The following ROBO2 variants were observed in gnomAD, a reference collection of about 807,000 sequenced individuals.
The protein encoded by ROBO2 is roundabout guidance receptor 2.
ROBO2 carries 53 observed loss-of-function variants against 160.8 expected under a neutral mutation model. The ratio of observed to expected loss-of-function variants is 0.33; its 90% CI spans 0.26 to 0.41. The LOEUF is 0.41. Among genes scored for constraint, ROBO2 ranks in the 10% least tolerant of loss-of-function variants. The pLI, the probability that ROBO2 is intolerant of heterozygous loss-of-function variation, is 1.00. For synonymous variants in ROBO2, 664 were observed against 611.7 expected (o/e 1.09, Z -1.26); for missense variants, 1,577 against 1,722.4 (o/e 0.92, Z 1.49).
intron 2 of ROBO2, among the ~76,000 whole-genome samples, chr3:76,301,223 A>G (rs1709339670): frequency 6.6e-6 from 1 of 152,128 alleles, no homozygotes; most frequent in South Asian, 2.1e-4. Flanking sequence ...CCTGAAGGTG[A>G]TTTTAGGGAT....
At chr3:77,403,575 T>C (rs2075998388) in intron 2 of ROBO2, among the ~76,000 whole-genome samples, 1 of 16,438 alleles carries the variant, frequency 6.1e-5, no homozygotes, top group African/African-American at 2.8e-4. Context: ...GTTATTTCAG[T>C]GTGTGTGTGT....
At chr3:77,184,832 G>A (rs772958526) in intron 2 of ROBO2, among the ~76,000 whole-genome samples, 1 of 151,964 alleles carries the variant, frequency 6.6e-6, no homozygotes, top group Non-Finnish European at 1.5e-5. Context: ...AATGAATTAT[G>A]AAGAAAAGCT....
intron 2 of ROBO2, among the ~76,000 whole-genome samples, chr3:77,020,205 A>T (rs1231623977): frequency 6.6e-6 from 1 of 152,238 alleles, no homozygotes; most frequent in Non-Finnish European, 1.5e-5. Context: ...ACTAAAATAG[A>T]AAATACATCT....
At chr3:76,610,465 C>T (rs139822082) in intron 2 of ROBO2, among the ~76,000 whole-genome samples, 24 of 152,280 alleles carry the variant, frequency 1.6e-4, no homozygotes, top group South Asian at 4.1e-4. Context: ...TTGAGGGGAA[C>T]GCAGTGGCAC....
intron 23 of ROBO2, chr3:77,634,295 G>C (rs1014220328): frequency 6.3e-6 from 1 of 159,564 alleles, no homozygotes; most frequent in African/African-American, 2.4e-5. Context: ...AGATGTTGTT[G>C]AGTTTCTGCC....
intron 2 of ROBO2, among the ~76,000 whole-genome samples, chr3:76,921,853 A>C (rs1306123370): frequency 6.6e-6 from 1 of 152,148 alleles, no homozygotes; most frequent in African/African-American, 2.4e-5. Context: ...ACTTTCTAGG[A>C]TTATGTGAGC....
chr3:77,609,920 T>A (rs932866101), intron 21 of ROBO2, among the ~76,000 whole-genome samples: 1 of 150,442 alleles, frequency 6.6e-6, no homozygotes, highest in Non-Finnish European at 1.5e-5. Context: ...AGTGGTTAGA[T>A]CTTAGCCAGT....
chr3:75,993,779 G>T lies in ROBO2; in HGVS notation c.109+56177G>T, dbSNP rs115997305. On this transcript the variant is annotated intron_variant, in intron 2 of 26. Coordinates refer to the ROBO2 transcript ENST00000487694. Reference sequence around the variant, plus strand: ...GCACCTCATGACAATGAGAAGAAATGACTGGTGGTCATGGTATCCAAAAAC... The same window carrying T: ...GCACCTCATGACAATGAGAAGAAATTACTGGTGGTCATGGTATCCAAAAAC... 2.7e-3 allele frequency among the ~76,000 whole-genome samples: 413 copies of T among 152,240 alleles called. 3 individuals carry two copies. Among genetic ancestry groups the T allele is most frequent in the African/African-American group, 9.8e-3 (407 of 41,538 alleles).
At position 77,578,772 on chromosome 3, in the gene ROBO2, G is replaced by T. The variant is rs80002796; in HGVS notation, c.2328+1158G>T. ...CAGAGTAACAAATTATCTACTCTGTGTGAGTTTGAGTGTGTGTGTGTGTTT... is the reference window on the plus strand; with the variant it reads ...CAGAGTAACAAATTATCTACTCTGTTTGAGTTTGAGTGTGTGTGTGTGTTT... On this transcript the variant is annotated intron_variant, in intron 15 of 25. Coordinates refer to ENST00000461745, the Ensembl canonical transcript of ROBO2. Among the ~76,000 whole-genome samples the T allele has an allele frequency of 1.3e-3, 201 of 152,144 alleles. 2 individuals carry two copies. Among genetic ancestry groups the T allele is most frequent in the African/African-American group, 4.6e-3 (191 of 41,544 alleles).
intron 2 of ROBO2, among the ~76,000 whole-genome samples, chr3:76,975,427 C>T (rs1271714246): frequency 6.6e-6 from 1 of 152,160 alleles, no homozygotes; most frequent in Non-Finnish European, 1.5e-5. Context: ...ATCGCTTGAA[C>T]CCAGGAGGTG....
At chr3:77,420,739 T>G (rs1416926188) in intron 2 of ROBO2, among the ~76,000 whole-genome samples, 1 of 152,176 alleles carries the variant, frequency 6.6e-6, no homozygotes, top group Non-Finnish European at 1.5e-5. Context: ...GCTACCAGAC[T>G]CTGCTGATTT....
intron 2 of ROBO2, among the ~76,000 whole-genome samples, chr3:76,890,087 C>T (rs1295738862): frequency 6.6e-6 from 1 of 152,080 alleles, no homozygotes. Flanking sequence ...GGATTCTGAG[C>T]CAGACACTAT....
intron 2 of ROBO2, among the ~76,000 whole-genome samples, chr3:77,258,464 C>T (rs1177187410): frequency 6.6e-6 from 1 of 151,850 alleles, no homozygotes; most frequent in African/African-American, 2.4e-5. Context: ...TTTTAAAAGT[C>T]CAGGTAAGAT....
chr3:77,271,538 C>T lies in ROBO2; in HGVS notation c.388+173198C>T, dbSNP rs192410457. Among the ~76,000 whole-genome samples, 12 of 152,326 alleles carry T rather than the reference C, an allele frequency of 7.9e-5. No individual in the cohort carries two copies. The East Asian group carries it at 2.3e-3, about 29-fold the overall frequency. On this transcript the variant is annotated intron_variant, in intron 2 of 25. Coordinates refer to ENST00000461745, the Ensembl canonical transcript of ROBO2. ...TCAGCATTGAGTGGGAGGAATTCAG[C>T]ATAAAGTGTGATTAGAGCCTCCACA... is the stretch of plus-strand genomic sequence containing the variant.
At chr3:77,237,413 G>GTTT (rs1477700713) in intron 2 of ROBO2, among the ~76,000 whole-genome samples, 2 of 121,630 alleles carry the variant, frequency 1.6e-5, no homozygotes, top group African/African-American at 6.6e-5. Context: ...GTTTTGTTTT[G>GTTT]TGTGTGTGTG....
At chr3:76,020,291 G>A (rs980009492) in intron 2 of ROBO2, among the ~76,000 whole-genome samples, 1 of 151,628 alleles carries the variant, frequency 6.6e-6, no homozygotes, top group East Asian at 1.9e-4. Context: ...TTCCTCGATA[G>A]TATAATCCTG....
intron 2 of ROBO2, among the ~76,000 whole-genome samples, chr3:76,870,956 C>G (rs1425236310): frequency 6.6e-6 from 1 of 152,142 alleles, no homozygotes; most frequent in Non-Finnish European, 1.5e-5. Context: ...AATACATAGA[C>G]ATTTTTATAT....
intron 2 of ROBO2, among the ~76,000 whole-genome samples, chr3:76,230,239 T>C (rs909735149): frequency 6.6e-6 from 1 of 152,092 alleles, no homozygotes; most frequent in Non-Finnish European, 1.5e-5. Context: ...ATTTCTCCTA[T>C]TCCTGACTCC....
chr3:77,154,553 C>A (rs1446156114), intron 2 of ROBO2, among the ~76,000 whole-genome samples: 1 of 151,922 alleles, frequency 6.6e-6, no homozygotes, highest in African/African-American at 2.4e-5. Context: ...ATCGTCCAAC[C>A]AAAAGGCGCA....
Sources: gnomAD v4.1 joint callset for allele counts (sites outside exome capture counted in the v4.1 genomes callset) on GRCh38, gnomAD v4.1.1 for gene constraint, MANE v1.5 for transcripts, NCBI Gene and HGNC (gene_info 2026-07-23, HGNC 2026-07-21) for gene names.